The following WDR27 variants were observed in gnomAD, a reference collection of about 807,000 sequenced individuals.
WDR27 encodes WD repeat-containing protein 27.
WDR27 carries 100 observed loss-of-function variants against 114.4 expected under a neutral mutation model. That is an observed-to-expected ratio of 0.87 (90% CI 0.74 to 1.03). The LOEUF (loss-of-function observed/expected upper bound fraction) is 1.03, where lower values mean the gene tolerates loss of function less well. Among genes scored for constraint, WDR27 ranks in the 50% least tolerant of loss-of-function variants. The probability of loss-of-function intolerance (pLI) is 0.00; values close to 1 mark genes in which losing one functional copy is unlikely to be tolerated. For missense variants in WDR27, 1,129 were observed against 1,092.9 expected (o/e 1.03, Z -0.47); for synonymous variants, 449 against 423.1 (o/e 1.06, Z -0.75).
rs1185274780 is a variant in WDR27 at position 169,573,730 on chromosome 6, G to A, written c.2524-1190C>T. On this transcript the variant is annotated intron_variant, in intron 24 of 25. Coordinates refer to ENST00000448612, the MANE Select transcript of WDR27 (RefSeq NM_182552.5). ...ATAAATTATATCTCTGTGTATCCGC[G>A]TGTGAAGCAGCTTTCTCCATACTTA... Among the ~76,000 whole-genome samples, 7 of 152,298 alleles carry A rather than the reference G, an allele frequency of 4.6e-5. No individual in the cohort carries two copies. The East Asian group carries it at 7.7e-4, about 17-fold the overall frequency.
chr6:169,644,054 G>C (rs779819379), intron 16 of WDR27, among the ~76,000 whole-genome samples: 2 of 151,066 alleles, frequency 1.3e-5, no homozygotes, highest in African/African-American at 2.5e-5. Context: ...TAGTTCATAC[G>C]AGTCACACTG....
At chr6:169,518,103 G>T (rs1191301601) in intron 25 of WDR27, among the ~76,000 whole-genome samples, 7 of 152,242 alleles carry the variant, frequency 4.6e-5, no homozygotes, top group African/African-American at 1.4e-4. Context: ...CTATGGGTTT[G>T]CAGGCTTCAG....
intron 25 of WDR27, among the ~76,000 whole-genome samples, chr6:169,528,078 A>C (rs1795153553): frequency 6.6e-6 from 1 of 152,194 alleles, no homozygotes; most frequent in Non-Finnish European, 1.5e-5. Flanking sequence ...TGCAAATATA[A>C]TCCACAAGGA....
chr6:169,510,678 GC>G (rs1792711055), intron 25 of WDR27, among the ~76,000 whole-genome samples: 1 of 151,704 alleles, frequency 6.6e-6, no homozygotes, highest in African/African-American at 2.4e-5. Flanking sequence ...TATACCTAAT[GC>G]TAAATGACGA....
intron 19 of WDR27, among the ~76,000 whole-genome samples, chr6:169,635,633 A>G (rs892176869): frequency 6.6e-6 from 1 of 152,228 alleles, no homozygotes. Flanking sequence ...TGGAAGCCCA[A>G]CCCTTGGCAG....
intron 2 of WDR27, among the ~76,000 whole-genome samples, chr6:169,682,492 T>A (rs1393746708): frequency 6.6e-6 from 1 of 152,192 alleles, no homozygotes; most frequent in African/African-American, 2.4e-5. Context: ...CTCGCAGCAA[T>A]CCTGTGCTTA....
intron 25 of WDR27, among the ~76,000 whole-genome samples, chr6:169,544,830 A>G (rs1258085235): frequency 2.0e-5 from 3 of 152,210 alleles, no homozygotes; most frequent in Non-Finnish European, 2.9e-5. Flanking sequence ...AAAATTATAT[A>G]CCTAGGTATA....
At chr6:169,482,548 C>T (rs1195882875) in intron 25 of WDR27, among the ~76,000 whole-genome samples, 1 of 152,184 alleles carries the variant, frequency 6.6e-6, no homozygotes, top group Non-Finnish European at 1.5e-5. Context: ...TTCTTAGAGA[C>T]CTTCAAAGAG....
chr6:169,544,437 TTTTG>T (rs947985223), intron 25 of WDR27, among the ~76,000 whole-genome samples: 10 of 151,628 alleles, frequency 6.6e-5, no homozygotes, highest in African/African-American at 2.2e-4. Context: ...TTTTTTTTTT[TTTTG>T]TTTGTTTGTT....
chr6:169,532,918 T>C (rs1795766634), intron 25 of WDR27, among the ~76,000 whole-genome samples: 2 of 151,734 alleles, frequency 1.3e-5, no homozygotes, highest in African/African-American at 2.4e-5. Context: ...TGACTATTGA[T>C]AGCAATCCAG....
intron 25 of WDR27, among the ~76,000 whole-genome samples, chr6:169,477,175 G>A (rs949113256): frequency 6.6e-6 from 1 of 152,226 alleles, no homozygotes; most frequent in African/African-American, 2.4e-5. Context: ...CTGACCTTGA[G>A]TTTGGAGTAA....
chr6:169,624,918 C>G (rs1814401394), intron 21 of WDR27, among the ~76,000 whole-genome samples: 1 of 152,236 alleles, frequency 6.6e-6, no homozygotes, highest in Non-Finnish European at 1.5e-5. Flanking sequence ...ACAAGAGCAG[C>G]CGTCCCACAG....
chr6:169,484,405 G>A (rs1295116015), intron 25 of WDR27, among the ~76,000 whole-genome samples: 1 of 152,132 alleles, frequency 6.6e-6, no homozygotes, highest in East Asian at 1.9e-4. Flanking sequence ...CAAATCATGA[G>A]TGAACTCCCA....
intron 22 of WDR27, among the ~76,000 whole-genome samples, chr6:169,611,453 C>A (rs2473444): frequency 0.94 from 142,532 of 151,720 alleles, 67,020 homozygotes; most frequent in East Asian, 0.99. Context: ...TTACAGGTGC[C>A]CACCACCACA....
chr6:169,451,029 A>G, the WDR27 span, among the ~76,000 whole-genome samples: 1 of 152,184 alleles, frequency 6.6e-6, no homozygotes, highest in Admixed American at 6.5e-5. Context: ...CTACAAAGAT[A>G]AAAACGCTGT....
At chr6:169,688,534 G>C (rs2128298252) in intron 2 of WDR27, among the ~76,000 whole-genome samples, 1 of 152,200 alleles carries the variant, frequency 6.6e-6, no homozygotes, top group Admixed American at 6.5e-5. Context: ...ACATTCGAAT[G>C]TAGGAGACTT....
rs375714782 is a variant in WDR27 at position 169,514,115 on chromosome 6, C to G, written c.2646-56481G>C. Among the ~76,000 whole-genome samples the G allele has an allele frequency of 7.2e-4, 110 of 152,080 alleles. No homozygotes were observed. The East Asian group carries it at 0.018, about 25-fold the overall frequency. On this transcript the variant is annotated intron_variant, in intron 25 of 25. Transcript: ENST00000448612. ...AGAGAGGAAACAATAAAAACCACAC[C>G]TCCACAACAAAAAACTAACAAGACT...
chr6:169,624,952 C>T (rs1293370383), intron 21 of WDR27, among the ~76,000 whole-genome samples: 1 of 152,212 alleles, frequency 6.6e-6, no homozygotes, highest in African/African-American at 2.4e-5. Context: ...TCAACTGTGG[C>T]AGCCCTCACC....
intron 25 of WDR27, among the ~76,000 whole-genome samples, chr6:169,557,104 T>C (rs973026495): frequency 1.3e-5 from 2 of 152,184 alleles, no homozygotes; most frequent in African/African-American, 4.8e-5. Flanking sequence ...AGAATTTTTA[T>C]GGCAGCATTA....
Sources: allele counts gnomAD v4.1 joint callset (sites outside exome capture counted in the v4.1 genomes callset), GRCh38; gene constraint gnomAD v4.1.1; transcripts MANE v1.5; gene names NCBI Gene and HGNC (gene_info 2026-07-23, HGNC 2026-07-21).